Variants in RELN observed in about 807,000 individuals in gnomAD.
RELN encodes reelin.
In RELN, 108 loss-of-function variants were observed where a neutral mutation model predicts 427.6. The ratio of observed to expected loss-of-function variants is 0.25; its 90% confidence interval spans 0.22 to 0.30. The LOEUF (loss-of-function observed/expected upper bound fraction) is 0.30. Ranked by LOEUF, RELN falls within the 10% of genes least tolerant of loss-of-function variation. RELN has a pLI of 1.00. For missense variants in RELN, 3,715 were observed against 4,302.8 expected (o/e 0.86, Z 3.82); for synonymous variants, 1,524 against 1,513.4 (o/e 1.01, Z -0.16).
chr7:103,935,883 C>A (rs1795970892), intron 1 of RELN, among the ~76,000 whole-genome samples: 2 of 152,142 alleles, frequency 1.3e-5, no homozygotes, highest in African/African-American at 2.4e-5. Flanking sequence ...TCAGTATTCC[C>A]CACCTCCCTG....
chr7:103,906,629 A>G (rs1183014085), intron 2 of RELN, among the ~76,000 whole-genome samples: 1 of 152,082 alleles, frequency 6.6e-6, no homozygotes, highest in East Asian at 1.9e-4. Context: ...TGTTCCTTGG[A>G]TTCAGCTCAT....
chr7:103,952,922 T>C (rs1439685168), intron 1 of RELN, among the ~76,000 whole-genome samples: 2 of 152,198 alleles, frequency 1.3e-5, no homozygotes. Flanking sequence ...TATTTTAACA[T>C]GGAAATAGTC....
At chr7:103,780,667 C>T (rs1452989107) in intron 3 of RELN, among the ~76,000 whole-genome samples, 1 of 152,128 alleles carries the variant, frequency 6.6e-6, no homozygotes, top group Non-Finnish European at 1.5e-5. Flanking sequence ...TTTTCTGTTC[C>T]TATGTTAGTT....
chr7:103,808,474 T>C (rs1584257330), intron 3 of RELN, among the ~76,000 whole-genome samples: 4 of 152,112 alleles, frequency 2.6e-5, no homozygotes, highest in Admixed American at 2.0e-4. Context: ...CCCCCTGGCA[T>C]GGAACTTCCA....
chr7:103,859,739 T>C lies in RELN; in HGVS notation c.338-26067A>G, dbSNP rs558350559. Among the ~76,000 whole-genome samples the C allele has an allele frequency of 3.3e-5, 5 of 152,322 alleles. No individual in the cohort carries two copies. The South Asian group carries it at 1.0e-3, about 32-fold the overall frequency. ...CAACTTTATGGCACTTGAACTTTTC[T>C]TCACAAATTATAGAGTTCCAAGCCT... On this transcript the variant is annotated intron_variant, in intron 2 of 64. Transcript: ENST00000428762.
At chr7:103,591,085 A>G (rs1210105869) in intron 27 of RELN, among the ~76,000 whole-genome samples, 2 of 152,252 alleles carry the variant, frequency 1.3e-5, no homozygotes, top group African/African-American at 4.8e-5. Flanking sequence ...GTTTATTTCC[A>G]AATAAATGTG....
chr7:103,898,601 G>A (rs1476387083), intron 2 of RELN, among the ~76,000 whole-genome samples: 1 of 152,028 alleles, frequency 6.6e-6, no homozygotes, highest in Non-Finnish European at 1.5e-5. Context: ...ACTATTGAGT[G>A]TGCGTAATTT....
In RELN at chr7:103,604,447, A is replaced by G. The variant is rs1249289084; in HGVS notation, c.3045T>C (p.Tyr1015=). ...AAGCCCACTCGTCTTGAGCTGTGTA[A>G]TAGCTCTGGCTCCAGCGGAAACGGG... ...SATRFRWSQS[Y]YTAQDEWALD... is the part of the protein sequence containing the mutation. Residue 1015 remains tyrosine (Y), a synonymous_variant, in exon 23 of 65, where the codon TAT becomes TAC. Coordinates refer to ENST00000428762, the MANE Select transcript of RELN (RefSeq NM_005045.4). 6.2e-7 allele frequency: 1 copy of G among 1,613,956 alleles called. No individual in the cohort carries two copies. Among genetic ancestry groups the G allele is most frequent in the Admixed American group, 1.7e-5 (1 of 59,988 alleles).
At chr7:103,817,937 C>CAAAAAAAAAAAA (rs71154371) in intron 3 of RELN, among the ~76,000 whole-genome samples, 234 of 36,008 alleles carry the variant, frequency 6.5e-3, no homozygotes, top group East Asian at 8.1e-3. Flanking sequence ...GACTCCATCT[C>CAAAAAAAAAAAA]AAAAAAAAAA....
chr7:103,797,461 A>C (rs1374601363), intron 3 of RELN, among the ~76,000 whole-genome samples: 3 of 152,152 alleles, frequency 2.0e-5, no homozygotes, highest in Non-Finnish European at 4.4e-5. Flanking sequence ...GCCAAGATAG[A>C]ACAAGAGAGT....
rs1831714933 is a variant in RELN at position 103,603,116 on chromosome 7, A to G, written c.3333+188T>C. Reference sequence around the variant, plus strand: ...CTTAACCTGATTTTTTAGTAACCAAAAAGAGTAATAAAAAGAACAACAAGA... The same window carrying G: ...CTTAACCTGATTTTTTAGTAACCAAGAAGAGTAATAAAAAGAACAACAAGA... On this transcript the variant is annotated intron_variant, in intron 24 of 64. Coordinates refer to ENST00000428762, the MANE Select transcript of RELN (RefSeq NM_005045.4). This position sits in a 1 kb window ranked among gnomAD's most constrained non-coding sequence, Gnocchi z 4.3. 6.6e-6 allele frequency among the ~76,000 whole-genome samples: 1 copy of G among 152,228 alleles called. No individual in the cohort carries two copies. The highest frequency in any genetic ancestry group is 2.1e-4 in the South Asian group (1 of 4,836).
In RELN at chr7:103,982,354, C is replaced by T. The variant is rs542078010; in HGVS notation, c.226+6777G>A. Among the ~76,000 whole-genome samples the T allele has an allele frequency of 1.2e-4, 19 of 152,228 alleles. No individual in the cohort carries two copies. The East Asian group carries it at 3.7e-3, about 29-fold the overall frequency. On this transcript the variant is annotated intron_variant, in intron 1 of 64. Coordinates refer to ENST00000428762, the MANE Select transcript of RELN (RefSeq NM_005045.4). ...TGTAATTCAGCGATATGAAGAAATT[C>T]TATGGGAGGACCACAGCAATTCAGA... is the stretch of plus-strand genomic sequence containing the variant.
chr7:103,712,391 C>G (rs1350585670), intron 8 of RELN, among the ~76,000 whole-genome samples: 1 of 152,126 alleles, frequency 6.6e-6, no homozygotes, highest in African/African-American at 2.4e-5. Flanking sequence ...CTTAAAAATA[C>G]AAATATTAGT....
intron 1 of RELN, among the ~76,000 whole-genome samples, chr7:103,961,142 T>C (rs897167095): frequency 2.0e-5 from 3 of 152,248 alleles, no homozygotes; most frequent in Non-Finnish European, 4.4e-5. Flanking sequence ...ACCTGTATTC[T>C]TCACTAAGGT....
intron 3 of RELN, among the ~76,000 whole-genome samples, chr7:103,809,244 A>G (rs954626062): frequency 7.9e-5 from 12 of 152,214 alleles, no homozygotes; most frequent in Admixed American, 3.3e-4. Flanking sequence ...ACTCAGACCA[A>G]CAAAGTCTCA....
At chr7:103,572,662 G>A (rs1263224132) in intron 30 of RELN, among the ~76,000 whole-genome samples, 1 of 151,406 alleles carries the variant, frequency 6.6e-6, no homozygotes. Flanking sequence ...TCAGCATCCC[G>A]AGTAGCTGGG....
At chr7:103,547,115 G>C (rs1201755782) in intron 41 of RELN, among the ~76,000 whole-genome samples, 2 of 152,084 alleles carry the variant, frequency 1.3e-5, no homozygotes, top group Non-Finnish European at 2.9e-5. Flanking sequence ...TTATTTTTGT[G>C]CCCTGTGAAT....
rs1833663920 is a variant in RELN at position 103,682,053 on chromosome 7, A to G, written c.1289+63T>C. 4 of 1,501,788 alleles carry G rather than the reference A, an allele frequency of 2.7e-6. No individual in the cohort carries two copies. The South Asian group carries it at 4.5e-5, about 17-fold the overall frequency. 93.0% of individuals were successfully genotyped at this position (1,501,788 alleles called of 1,614,324 possible). On this transcript the variant is annotated intron_variant, in intron 11 of 64. Transcript: ENST00000428762. ...TCGCCATTTAACAATATGCATTTAAAACACGTCCAGTAGAATAAATGTAAG... is the reference window on the plus strand; with the variant it reads ...TCGCCATTTAACAATATGCATTTAAGACACGTCCAGTAGAATAAATGTAAG...
chr7:103,846,123 G>A (rs922466393), intron 2 of RELN, among the ~76,000 whole-genome samples: 1 of 152,118 alleles, frequency 6.6e-6, no homozygotes, highest in Admixed American at 6.5e-5. Flanking sequence ...ATATAGCCAA[G>A]ACAATCCTAA....
Sources: allele counts gnomAD v4.1 joint callset (sites outside exome capture counted in the v4.1 genomes callset), GRCh38; gene constraint gnomAD v4.1.1; non-coding constraint Gnocchi (gnomAD v3.1); transcripts MANE v1.5; gene names NCBI Gene and HGNC (gene_info 2026-07-23, HGNC 2026-07-21).